RRAS2: variants seen among roughly 807,000 people sequenced by gnomAD.
The protein encoded by RRAS2 is RAS related 2.
Under a neutral mutation model 27.6 loss-of-function variants are expected in RRAS2, and 7 were observed. That is an observed-to-expected ratio of 0.25 (90% CI 0.14 to 0.48). The LOEUF (loss-of-function observed/expected upper bound fraction) is 0.48, where lower values mean the gene tolerates loss of function less well. Ranked by LOEUF, RRAS2 falls within the 20% of genes least tolerant of loss-of-function variation. RRAS2 has a pLI of 0.99. For missense variants in RRAS2, 178 were observed against 256.2 expected, an observed-to-expected ratio of 0.69 and a Z score of 2.08; for synonymous variants, 86 against 90.9, an observed-to-expected ratio of 0.95 and a Z score of 0.31.
At chr11:14,340,232 G>A (rs1848675761) in intron 1 of RRAS2, among the ~76,000 whole-genome samples, 1 of 151,696 alleles carries the variant, frequency 6.6e-6, no homozygotes, top group Non-Finnish European at 1.5e-5. Flanking sequence ...AAGTAGCTGG[G>A]ATTACAGGCG....
chr11:14,280,143 T>TC (rs1429750051), intron 5 of RRAS2, among the ~76,000 whole-genome samples: 3 of 152,140 alleles, frequency 2.0e-5, no homozygotes. Context: ...GTAAAATACA[T>TC]ATAACATAAA....
At chr11:14,339,296 G>T (rs1433262105) in intron 1 of RRAS2, among the ~76,000 whole-genome samples, 6 of 112,126 alleles carry the variant, frequency 5.4e-5, no homozygotes, top group East Asian at 3.4e-4. Flanking sequence ...AAAAAAAAGG[G>T]GGGGGGGGGA....
At chr11:14,328,983 A>ATG (rs1203781009) in intron 1 of RRAS2, among the ~76,000 whole-genome samples, 70 of 110,878 alleles carry the variant, frequency 6.3e-4, no homozygotes, top group African/African-American at 2.1e-3. Context: ...AATTTTATAT[A>ATG]TATGTGTGTG....
At chr11:14,353,593 T>C (rs1407287767) in intron 1 of RRAS2, among the ~76,000 whole-genome samples, 1 of 141,356 alleles carries the variant, frequency 7.1e-6, no homozygotes, top group Non-Finnish European at 1.5e-5. Context: ...AAACTTCGTC[T>C]CAAAAAAAAA....
intron 1 of RRAS2, among the ~76,000 whole-genome samples, chr11:14,297,427 T>G (rs1847581243): frequency 6.6e-6 from 1 of 152,202 alleles, no homozygotes; most frequent in African/African-American, 2.4e-5. Context: ...CCTGATACCA[T>G]GACTTTACAT....
At chr11:14,307,097 G>GGGA (rs1297082207) in intron 1 of RRAS2, among the ~76,000 whole-genome samples, 2 of 151,864 alleles carry the variant, frequency 1.3e-5, no homozygotes, top group African/African-American at 4.8e-5. Flanking sequence ...AAGTTGAAGT[G>GGGA]GGAGGATCAT....
rs192630369 is a variant in RRAS2 at position 14,291,921 on chromosome 11, G to A, written c.408+2550C>T. The stretch of plus-strand genomic sequence containing the variant: ...TGCATATACATAATGATGTTTCTTG[G>A]GAATGGGACCCAAGCCTAAACACAA... On this transcript the variant is annotated intron_variant, in intron 4 of 5. Coordinates refer to ENST00000256196, the MANE Select transcript of RRAS2 (RefSeq NM_012250.6). Among the ~76,000 whole-genome samples the A allele has an allele frequency of 2.0e-5, 3 of 152,150 alleles. No individual in the cohort carries two copies. The East Asian group carries it at 5.8e-4, about 29-fold the overall frequency.
chr11:14,312,649 G>A (rs1048611630), intron 1 of RRAS2, among the ~76,000 whole-genome samples: 1 of 152,034 alleles, frequency 6.6e-6, no homozygotes, highest in African/African-American at 2.4e-5. Flanking sequence ...ATCAACTCCT[G>A]GCCTCAAGTA....
chr11:14,304,412 T>C (rs530060048), intron 1 of RRAS2, among the ~76,000 whole-genome samples: 2 of 152,230 alleles, frequency 1.3e-5, no homozygotes, highest in Non-Finnish European at 2.9e-5. Context: ...ATGGGCTACA[T>C]GTGCAAAACC....
intron 1 of RRAS2, among the ~76,000 whole-genome samples, chr11:14,305,656 T>G (rs1847812887): frequency 6.6e-6 from 1 of 152,160 alleles, no homozygotes; most frequent in African/African-American, 2.4e-5. Flanking sequence ...TCAAGAGATA[T>G]TCCTTGAATT....
At chr11:14,311,591 T>A (rs1389209554) in intron 1 of RRAS2, among the ~76,000 whole-genome samples, 2 of 152,022 alleles carry the variant, frequency 1.3e-5, no homozygotes. Flanking sequence ...GGTCTTGAAT[T>A]CCTGATCTCG....
intron 1 of RRAS2, among the ~76,000 whole-genome samples, chr11:14,344,983 CTTTATT>C (rs1262315765): frequency 1.3e-5 from 1 of 78,982 alleles, no homozygotes; most frequent in Non-Finnish European, 2.4e-5. Context: ...CTACTCAAGA[CTTTATT>C]TTTTTTTTTT....
At chr11:14,299,243 A>G (rs1269570092) in intron 1 of RRAS2, among the ~76,000 whole-genome samples, 6 of 152,206 alleles carry the variant, frequency 3.9e-5, no homozygotes, top group South Asian at 2.1e-4. Context: ...GAGTAGCTGT[A>G]ATAATTCCAG....
At chr11:14,335,870 T>C (rs1456736577) in intron 1 of RRAS2, among the ~76,000 whole-genome samples, 2 of 152,160 alleles carry the variant, frequency 1.3e-5, no homozygotes, top group Non-Finnish European at 2.9e-5. Flanking sequence ...ATGCTCTCTC[T>C]AGCTAAAGGA....
rs1554943898 is a variant in RRAS2, at chr11:14,279,124, T to A, written c.*213A>T. 2.0e-6 allele frequency: 1 copy of A among 510,470 alleles called. No homozygotes were observed. The highest frequency in any genetic ancestry group is 3.1e-5 in the East Asian group (1 of 31,862). 31.6% of individuals were successfully genotyped at this position (510,470 alleles called of 1,614,324 possible). ...AGACATATATTTTAAAGGAATCAGA[T>A]AATCTTTGAAGCAGCCTTAGTGTTT... On this transcript the variant is annotated 3_prime_UTR_variant, in exon 6 of 6. Transcript: ENST00000256196.
chr11:14,282,861 C>T (rs552284447), intron 4 of RRAS2, among the ~76,000 whole-genome samples: 174 of 152,228 alleles, frequency 1.1e-3, no homozygotes, highest in African/African-American at 4.0e-3. Flanking sequence ...ATAACCATGT[C>T]ATTTGCTAAT....
chr11:14,349,966 G>C (rs1458577528), intron 1 of RRAS2, among the ~76,000 whole-genome samples: 2 of 152,148 alleles, frequency 1.3e-5, no homozygotes, highest in African/African-American at 4.8e-5. Context: ...GGTTTCAAAA[G>C]TCAGAAAGGT....
At chr11:14,347,116 T>C (rs982074823) in intron 1 of RRAS2, among the ~76,000 whole-genome samples, 7 of 152,146 alleles carry the variant, frequency 4.6e-5, no homozygotes, top group Non-Finnish European at 1.0e-4. Flanking sequence ...TAAGCTATGA[T>C]CATGCCACTG....
chr11:14,348,321 A>G (rs926824202), intron 1 of RRAS2, among the ~76,000 whole-genome samples: 3 of 152,216 alleles, frequency 2.0e-5, no homozygotes, highest in Admixed American at 6.5e-5. Context: ...AAAATTAACA[A>G]TAACTTATGA....
Sources: allele counts gnomAD v4.1 joint callset (sites outside exome capture counted in the v4.1 genomes callset), GRCh38; gene constraint gnomAD v4.1.1; transcripts MANE v1.5; gene names NCBI Gene and HGNC (gene_info 2026-07-23, HGNC 2026-07-21).